GSAP: variants seen among roughly 807,000 people sequenced by gnomAD.
GSAP encodes gamma-secretase activating protein, also known as gamma-secretase-activating protein.
GSAP carries 118 observed loss-of-function variants against 131.7 expected under a neutral mutation model. That is an observed-to-expected ratio of 0.90 (90% CI 0.77 to 1.04). The LOEUF (loss-of-function observed/expected upper bound fraction) is 1.04, where lower values mean the gene tolerates loss of function less well. Among genes scored for constraint, GSAP ranks in the 50% least tolerant of loss-of-function variants. The probability of loss-of-function intolerance (pLI) is 0.00; values close to 1 mark genes in which losing one functional copy is unlikely to be tolerated. For synonymous variants in GSAP, 381 were observed against 363.4 expected, an observed-to-expected ratio of 1.05 and a Z score of -0.55; for missense variants, 1,019 against 1,013.2, an observed-to-expected ratio of 1.01 and a Z score of -0.08.
At chr7:77,367,149 A>C (rs1252784323) in intron 12 of GSAP, among the ~76,000 whole-genome samples, 1 of 152,198 alleles carries the variant, frequency 6.6e-6, no homozygotes, top group Non-Finnish European at 1.5e-5. Context: ...TTTTCTACAG[A>C]ATCATGCCGT....
chr7:77,341,751 C>T (rs531887804), intron 19 of GSAP, among the ~76,000 whole-genome samples: 19 of 152,278 alleles, frequency 1.2e-4, no homozygotes, highest in African/African-American at 2.9e-4. Flanking sequence ...AATTAGATTC[C>T]GGCCCTCAAA....
At chr7:77,321,306 T>G in intron 25 of GSAP, 27 bp downstream of exon 25, 1 of 1,397,938 alleles carries the variant, frequency 7.2e-7, no homozygotes, top group Non-Finnish European at 1.0e-6. Flanking sequence ...TTGTACACCA[T>G]GATAAAAGTG....
chr7:77,373,416 G>C (rs1280873735), intron 12 of GSAP, among the ~76,000 whole-genome samples: 1 of 152,204 alleles, frequency 6.6e-6, no homozygotes, highest in African/African-American at 2.4e-5. Context: ...AACTCAAGTA[G>C]TAAATGTCCA....
At chr7:77,365,713 T>C (rs1007503021) in intron 12 of GSAP, among the ~76,000 whole-genome samples, 1 of 152,168 alleles carries the variant, frequency 6.6e-6, no homozygotes, top group African/African-American at 2.4e-5. Context: ...TATATCTTTA[T>C]GGTAGAATGA....
At chr7:77,396,390 G>T (rs1366975963) in intron 5 of GSAP, among the ~76,000 whole-genome samples, 1 of 152,010 alleles carries the variant, frequency 6.6e-6, no homozygotes, top group Non-Finnish European at 1.5e-5. Context: ...GCCCCATGAG[G>T]GTAGATGCCT....
intron 1 of GSAP, among the ~76,000 whole-genome samples, chr7:77,411,079 G>C (rs1183543437): frequency 1.1e-5 from 1 of 93,348 alleles, no homozygotes; most frequent in Non-Finnish European, 2.2e-5. Context: ...AAAAAGGACA[G>C]ATAGTGGCAA....
At chr7:77,341,503 G>C (rs1790893832) in intron 19 of GSAP, among the ~76,000 whole-genome samples, 3 of 152,184 alleles carry the variant, frequency 2.0e-5, no homozygotes, top group Admixed American at 6.5e-5. Context: ...TAAAGAGGTG[G>C]CTGGAGCTAA....
intron 18 of GSAP, among the ~76,000 whole-genome samples, chr7:77,350,094 T>C (rs1406996178): frequency 2.0e-5 from 3 of 151,702 alleles, no homozygotes; most frequent in Admixed American, 1.3e-4. Context: ...TATGCAGCCA[T>C]AAAAAATGAT....
intron 12 of GSAP, among the ~76,000 whole-genome samples, chr7:77,371,782 G>C (rs1416421538): frequency 1.3e-5 from 2 of 152,176 alleles, no homozygotes; most frequent in Admixed American, 1.3e-4. Flanking sequence ...TTGAAAATAT[G>C]TATCTAATCA....
intron 22 of GSAP, chr7:77,328,108 G>T: frequency 1.7e-6 from 1 of 584,866 alleles, no homozygotes; most frequent in Non-Finnish European, 2.2e-6. Flanking sequence ...TGGAATATAA[G>T]TCCAGCTCTG....
In GSAP at chr7:77,377,317, G is replaced by A; in HGVS notation, c.650C>T (p.Ser217Leu). The A allele has an allele frequency of 6.6e-7, 1 of 1,523,320 alleles. No homozygotes were observed. Among genetic ancestry groups the A allele is most frequent in the Non-Finnish European group, 8.8e-7 (1 of 1,137,580 alleles). The allele number at this position is 1,523,320 out of a possible 1,614,324, so 94.4% of individuals were successfully genotyped here. ...GTCAATGTAATATAATCTCTGTTCT[G>A]ACATATCCCACTGAGCCCAAACGAA... Reference protein sequence around the residue: ...EDFVWAQWDMSEQRLYYIDLK... With the variant: ...EDFVWAQWDMLEQRLYYIDLK... The change falls in exon 9 of 31, where the codon TCA becomes TTA. Residue 217 changes from serine (S) to leucine (L), a missense_variant. Coordinates refer to ENST00000257626, the MANE Select transcript of GSAP (RefSeq NM_017439.4).
intron 1 of GSAP, among the ~76,000 whole-genome samples, chr7:77,414,728 C>G (rs984386629): frequency 1.3e-5 from 2 of 151,816 alleles, no homozygotes; most frequent in African/African-American, 4.8e-5. Context: ...AGACACCTGC[C>G]ATTTAGCAAA....
chr7:77,416,139 C>T (rs1180525285), intron 1 of GSAP, 74 bp downstream of exon 1: 24 of 863,670 alleles, frequency 2.8e-5, no homozygotes. Flanking sequence ...TGCTCCCCAC[C>T]GGGTCGGAGT....
At chr7:77,320,868 A>G (rs748347517) in intron 25 of GSAP, 49 bp from the exon 26 acceptor site, 7 of 1,130,292 alleles carry the variant, frequency 6.2e-6, no homozygotes, top group African/African-American at 3.0e-5. Flanking sequence ...CTCATCTGTG[A>G]TGCTCCATTT....
chr7:77,375,976 CT>C (rs1213744788), intron 10 of GSAP, among the ~76,000 whole-genome samples: 4 of 151,590 alleles, frequency 2.6e-5, no homozygotes, highest in African/African-American at 9.7e-5. Context: ...TGAAATTTTC[CT>C]ATTTTTAGAA....
intron 19 of GSAP, among the ~76,000 whole-genome samples, chr7:77,340,441 TGAG>T (rs943471268): frequency 1.3e-5 from 2 of 152,182 alleles, no homozygotes; most frequent in Non-Finnish European, 2.9e-5. Context: ...CTCACTTCCG[TGAG>T]GAGATCTGCC....
chr7:77,402,062 C>T (rs1801403453), intron 3 of GSAP, among the ~76,000 whole-genome samples: 1 of 151,988 alleles, frequency 6.6e-6, no homozygotes, highest in Non-Finnish European at 1.5e-5. Context: ...GTGAAGAGTA[C>T]ACAGGACATT....
intron 5 of GSAP, among the ~76,000 whole-genome samples, chr7:77,390,167 G>A (rs1396437765): frequency 1.3e-5 from 2 of 152,138 alleles, no homozygotes; most frequent in African/African-American, 4.8e-5. Flanking sequence ...TGAGTTCATT[G>A]TAGATTCTGG....
chr7:77,318,174 A>T (rs1362304863), intron 26 of GSAP, among the ~76,000 whole-genome samples: 1 of 152,230 alleles, frequency 6.6e-6, no homozygotes, highest in Non-Finnish European at 1.5e-5. Flanking sequence ...CTGTCACTTA[A>T]TAGCTATGTG....
Sources: allele counts gnomAD v4.1 joint callset (sites outside exome capture counted in the v4.1 genomes callset), GRCh38; gene constraint gnomAD v4.1.1; transcripts MANE v1.5; gene names NCBI Gene and HGNC (gene_info 2026-07-23, HGNC 2026-07-21).